Variants in ITIH5 observed in about 807,000 individuals in gnomAD.
ITIH5 encodes the protein inter-alpha-trypsin inhibitor heavy chain H5.
Under a neutral mutation model 77.5 loss-of-function variants are expected in ITIH5, and 65 were observed. The observed-to-expected ratio is 0.84, with a 90% CI of 0.69 to 1.03. The LOEUF (loss-of-function observed/expected upper bound fraction) is 1.03, where lower values mean the gene tolerates loss of function less well. Ranked by LOEUF, ITIH5 falls within the 50% of genes least tolerant of loss-of-function variation. The pLI, the probability that ITIH5 is intolerant of heterozygous loss-of-function variation, is 0.00. For synonymous variants in ITIH5, 525 were observed against 494.3 expected (o/e 1.06, Z -0.82); for missense variants, 1,208 against 1,213.1 (o/e 1.00, Z 0.06).
chr10:7,664,438 C>G (rs1222211743), intron 1 of ITIH5, among the ~76,000 whole-genome samples: 3 of 151,740 alleles, frequency 2.0e-5, no homozygotes, highest in Admixed American at 6.6e-5. Context: ...CCATGGACCA[C>G]CTGCATCAGA....
chr10:7,657,247 C>T (rs1356525666), intron 1 of ITIH5, among the ~76,000 whole-genome samples: 2 of 151,782 alleles, frequency 1.3e-5, no homozygotes, highest in African/African-American at 4.8e-5. Context: ...CGGAGTTTCA[C>T]CATGTTGGCC....
intron 5 of ITIH5, among the ~76,000 whole-genome samples, chr10:7,627,188 C>T (rs114231819): frequency 0.031 from 4,693 of 152,024 alleles, 245 homozygotes; most frequent in African/African-American, 0.11. Context: ...CTAATACATG[C>T]GGGGCTTAAA....
intron 7 of ITIH5, among the ~76,000 whole-genome samples, chr10:7,593,156 C>T (rs147976656): frequency 7.2e-5 from 11 of 152,246 alleles, no homozygotes; most frequent in African/African-American, 2.4e-4. Context: ...TCTCTCTACC[C>T]TCCTTCCCTC....
At chr10:7,613,041 T>C (rs1352831458) in intron 7 of ITIH5, among the ~76,000 whole-genome samples, 2 of 152,140 alleles carry the variant, frequency 1.3e-5, no homozygotes, top group African/African-American at 2.4e-5. Flanking sequence ...GGTTAGGAGT[T>C]CGAGACCAGC....
intron 5 of ITIH5, among the ~76,000 whole-genome samples, chr10:7,623,163 G>A (rs929768950): frequency 2.6e-5 from 4 of 152,234 alleles, no homozygotes; most frequent in African/African-American, 9.6e-5. Context: ...TGGGTTGATA[G>A]GGAGAGGGAT....
At position 7,576,491 on chromosome 10, in the gene ITIH5, G is replaced by A. The variant is rs757481104; in HGVS notation, c.1940C>T (p.Pro647Leu). ...HGMSAAMGPE[P>L]VVQSVRGAGT... ...AGCTCCTCGCACGCTCTGCACCACC[G>A]GTTCGGGTCCCATGGCAGCCGACAT... The change falls in exon 10 of 14, where the codon CCG (proline) becomes CTG (leucine). Residue 647 changes from proline (P) to leucine (L), a missense_variant. Physicochemically the swap from Pro to Leu is moderately conservative, Grantham distance 98. Transcript: ENST00000397146. The A allele has an allele frequency of 3.8e-5, 61 of 1,608,454 alleles. No individual in the cohort carries two copies. Among genetic ancestry groups the A allele is most frequent in the Admixed American group, 1.5e-4 (9 of 59,938 alleles).
chr10:7,563,303 T>C lies in ITIH5; in HGVS notation c.2609A>G (p.Gln870Arg), dbSNP rs1358450867. Residue 870 changes from glutamine (Q) to arginine (R), a missense_variant, in exon 14 of 14, where the codon CAG becomes CGG. Gln to Arg is a conservative substitution (Grantham distance 43, BLOSUM62 1). Transcript: ENST00000397146. ...SQNLTHPLLLQVGEGPEAVLT... is the reference protein window; with the variant it reads ...SQNLTHPLLLRVGEGPEAVLT... ...GACGGCCTCAGGCCCCTCTCCCACCTGAAGGAGCAGAGGGTGAGTGAGGTT... is the reference window on the plus strand; with the variant it reads ...GACGGCCTCAGGCCCCTCTCCCACCCGAAGGAGCAGAGGGTGAGTGAGGTT... 6.2e-7 allele frequency: 1 copy of C among 1,614,206 alleles called. No homozygotes were observed. The highest frequency in any genetic ancestry group is 2.2e-5 in the East Asian group (1 of 44,880).
intron 1 of ITIH5, among the ~76,000 whole-genome samples, chr10:7,660,195 C>T (rs149273268): frequency 9.2e-5 from 14 of 152,180 alleles, no homozygotes; most frequent in Non-Finnish European, 1.5e-4. Flanking sequence ...TATATGCTCA[C>T]GAAAGCACAA....
At position 7,642,022 on chromosome 10, in the gene ITIH5, C is replaced by T. The variant is rs143296439; in HGVS notation, c.204G>A (p.Thr68=). Residue 68 remains threonine (T), a synonymous_variant, in exon 3 of 14, where the codon ACG becomes ACA. Transcript: ENST00000397146. ...CTCTGTTCAGCATTCTGCAGGAAAC[C>T]GTAGTGAAGGCATAACGGGAAATGA... is the stretch of plus-strand genomic sequence containing the variant. ...STIISRYAFT[T]VSCRMLNRAS... The T allele has an allele frequency of 4.0e-5, 64 of 1,613,904 alleles. No homozygotes were observed. In the African/African-American group the frequency reaches 5.9e-4, roughly 15 times the overall value.
intron 7 of ITIH5, among the ~76,000 whole-genome samples, chr10:7,598,084 G>A (rs1159740582): frequency 6.6e-6 from 1 of 152,154 alleles, no homozygotes; most frequent in African/African-American, 2.4e-5. Flanking sequence ...TGACTATAGT[G>A]TAAGAGTGTA....
At chr10:7,639,834 G>C (rs1833854643) in intron 4 of ITIH5, among the ~76,000 whole-genome samples, 1 of 152,070 alleles carries the variant, frequency 6.6e-6, no homozygotes, top group Non-Finnish European at 1.5e-5. Context: ...TCAGAATTAA[G>C]ATGCTAATAA....
At chr10:7,643,360 G>A (rs113218474) in intron 2 of ITIH5, among the ~76,000 whole-genome samples, 4 of 152,196 alleles carry the variant, frequency 2.6e-5, no homozygotes, top group Non-Finnish European at 2.9e-5. Context: ...GAAGACATAC[G>A]CAGTAGGTGT....
Position 7,576,787 on chromosome 10 carries a change from C to T in ITIH5, c.1644G>A (p.Arg548=). 1 of 1,614,224 alleles carries T rather than the reference C, an allele frequency of 6.2e-7. No individual in the cohort carries two copies. The highest frequency in any genetic ancestry group is 1.1e-5 in the South Asian group (1 of 91,078). ...FIILKTDVPV[R]PQKAGKDVTG... The stretch of plus-strand genomic sequence containing the variant: ...TGACATCTTTCCCTGCCTTCTGAGG[C>T]CGCACAGGCACATCTGTCTTCAGGA... The change falls in exon 10 of 14, where the codon CGG becomes CGA. Residue 548 remains arginine, a synonymous_variant. Coordinates refer to ENST00000397146, the MANE Select transcript of ITIH5 (RefSeq NM_030569.7).
chr10:7,641,683 AG>A (rs1833890351), intron 3 of ITIH5, among the ~76,000 whole-genome samples: 2 of 11,270 alleles, frequency 1.8e-4, no homozygotes, highest in African/African-American at 5.5e-4. Flanking sequence ...GCAGGGAAGG[AG>A]GGAGGGAGGG....
At chr10:7,596,821 G>A (rs187275581) in intron 7 of ITIH5, among the ~76,000 whole-genome samples, 1 of 151,940 alleles carries the variant, frequency 6.6e-6, no homozygotes, top group Non-Finnish European at 1.5e-5. Flanking sequence ...GTCGAGGAAG[G>A]ACGATCACCT....
At chr10:7,585,837 A>AC in intron 8 of ITIH5, 64 bp downstream of exon 8, 2 of 1,448,480 alleles carry the variant, frequency 1.4e-6, no homozygotes, top group Non-Finnish European at 1.9e-6. Flanking sequence ...AAAAAAAAAA[A>AC]AAACCAAAAA....
chr10:7,663,744 G>C (rs1047475859), intron 1 of ITIH5, among the ~76,000 whole-genome samples: 8 of 152,190 alleles, frequency 5.3e-5, no homozygotes, highest in African/African-American at 1.9e-4. Flanking sequence ...GACCCAGAGA[G>C]GTTAAGTGAC....
chr10:7,666,696 G>A (rs1419995449), intron 1 of ITIH5, 107 bp downstream of exon 1: 5 of 809,214 alleles, frequency 6.2e-6, no homozygotes, highest in Admixed American at 5.2e-5. Flanking sequence ...CTCTGGTGGG[G>A]GCCTGGGAGA....
chr10:7,613,228 A>G (rs1267769422), intron 7 of ITIH5, among the ~76,000 whole-genome samples: 1 of 150,346 alleles, frequency 6.7e-6, no homozygotes, highest in Non-Finnish European at 1.5e-5. Flanking sequence ...CCCAGGTGAC[A>G]GAGTGAGACT....
Sources: gnomAD v4.1 joint callset for allele counts (sites outside exome capture counted in the v4.1 genomes callset) on GRCh38, gnomAD v4.1.1 for gene constraint, MANE v1.5 for transcripts, NCBI Gene and HGNC (gene_info 2026-07-23, HGNC 2026-07-21) for gene names.